The following NUP210L variants were observed in gnomAD, a reference collection of about 807,000 sequenced individuals.
NUP210L encodes nuclear pore membrane glycoprotein 210-like.
Under a neutral mutation model 208.5 loss-of-function variants are expected in NUP210L, and 74 were observed. That is an observed-to-expected ratio of 0.35 (90% confidence interval 0.29 to 0.43). The LOEUF (loss-of-function observed/expected upper bound fraction) is 0.43, where lower values mean the gene tolerates loss of function less well. Among genes scored for constraint, NUP210L ranks in the 20% least tolerant of loss-of-function variants. The pLI is 1.00. For missense variants in NUP210L, 1,843 were observed against 2,289.4 expected (o/e 0.81, Z 3.98); for synonymous variants, 780 against 816.9 (o/e 0.95, Z 0.77).
chr1:154,120,895 CAAAAA>C (rs34261242), intron 10 of NUP210L, among the ~76,000 whole-genome samples: 20 of 82,212 alleles, frequency 2.4e-4, no homozygotes, highest in African/African-American at 7.0e-4. Flanking sequence ...GACTCTGTCT[CAAAAA>C]AAAAAAAAAA....
At chr1:154,005,226 T>A (rs1368091858) in intron 35 of NUP210L, among the ~76,000 whole-genome samples, 2 of 151,826 alleles carry the variant, frequency 1.3e-5, no homozygotes, top group African/African-American at 4.8e-5. Flanking sequence ...TTTATTTATT[T>A]ATTTATTTTT....
intron 7 of NUP210L, among the ~76,000 whole-genome samples, chr1:154,131,846 C>T (rs1250507826): frequency 1.3e-5 from 2 of 152,086 alleles, no homozygotes; most frequent in African/African-American, 2.4e-5. Context: ...ACTCCGTCGC[C>T]CAGGCTGGGG....
At chr1:154,086,330 T>C (rs1293228797) in intron 16 of NUP210L, among the ~76,000 whole-genome samples, 1 of 151,966 alleles carries the variant, frequency 6.6e-6, no homozygotes, top group Non-Finnish European at 1.5e-5. Flanking sequence ...ATCAGAGAGC[T>C]AAATGTAAGA....
chr1:154,049,886 C>A (rs903204252), intron 25 of NUP210L, among the ~76,000 whole-genome samples: 3 of 152,182 alleles, frequency 2.0e-5, no homozygotes, highest in Non-Finnish European at 4.4e-5. Flanking sequence ...CTGAAGCCTG[C>A]TAAGCGTTTT....
intron 16 of NUP210L, among the ~76,000 whole-genome samples, chr1:154,081,661 T>C (rs1423301283): frequency 6.6e-6 from 1 of 152,196 alleles, no homozygotes; most frequent in Non-Finnish European, 1.5e-5. Flanking sequence ...TTTACATAAT[T>C]AATCATGTTT....
chr1:154,016,576 C>A (rs528618802), intron 33 of NUP210L, among the ~76,000 whole-genome samples: 113 of 152,132 alleles, frequency 7.4e-4, no homozygotes, highest in Non-Finnish European at 1.4e-3. Flanking sequence ...ACTCTTAACC[C>A]CAACTCCTTA....
chr1:154,144,893 G>A (rs1175258285), intron 2 of NUP210L, among the ~76,000 whole-genome samples: 1 of 152,070 alleles, frequency 6.6e-6, no homozygotes, highest in African/African-American at 2.4e-5. Flanking sequence ...TGGATCACCT[G>A]AGGTCAGGAG....
intron 2 of NUP210L, among the ~76,000 whole-genome samples, chr1:154,146,657 A>T (rs1024672470): frequency 4.4e-5 from 6 of 136,402 alleles, no homozygotes; most frequent in Admixed American, 8.2e-5. Flanking sequence ...CAGTACTAAG[A>T]TTCATGGATA....
At chr1:154,150,596 C>T (rs545131518) in intron 2 of NUP210L, among the ~76,000 whole-genome samples, 10 of 151,722 alleles carry the variant, frequency 6.6e-5, no homozygotes, top group African/African-American at 2.2e-4. Flanking sequence ...GGCGTGGTGG[C>T]GCATGCCTGT....
chr1:154,107,608 G>T (rs2148075377), intron 12 of NUP210L, among the ~76,000 whole-genome samples: 1 of 152,274 alleles, frequency 6.6e-6, no homozygotes. Context: ...GCTCACACCT[G>T]TAATCCCAGC....
intron 2 of NUP210L, among the ~76,000 whole-genome samples, chr1:154,144,263 C>T (rs1330674209): frequency 1.3e-5 from 2 of 152,058 alleles, no homozygotes; most frequent in Non-Finnish European, 2.9e-5. Context: ...CTTTATTCTA[C>T]GTCTTACTTT....
chr1:154,065,437 T>C (rs1376776693), intron 17 of NUP210L, among the ~76,000 whole-genome samples: 1 of 152,072 alleles, frequency 6.6e-6, no homozygotes, highest in Non-Finnish European at 1.5e-5. Flanking sequence ...AAAAGAAATA[T>C]ATTTTAAAAA....
At chr1:154,047,773 ACT>A (rs1029388497) in intron 25 of NUP210L, among the ~76,000 whole-genome samples, 3 of 151,134 alleles carry the variant, frequency 2.0e-5, no homozygotes, top group African/African-American at 7.3e-5. Flanking sequence ...CCCACTCCAC[ACT>A]CTATATTTCT....
rs1656362772 is a variant in NUP210L, at chr1:154,099,666, T to C, written c.1965+332A>G. On this transcript the variant is annotated intron_variant, in intron 14 of 39. Transcript: ENST00000368559. ...CGGTATTTACAGAGATATATGCACA[T>C]GTAAAAATTCAGATAGCACCTGAAG... is the stretch of plus-strand genomic sequence containing the variant. Among the ~76,000 whole-genome samples the C allele has an allele frequency of 2.6e-5, 4 of 152,230 alleles. No homozygotes were observed. The South Asian group carries it at 8.3e-4, about 32-fold the overall frequency.
At chr1:154,076,553 T>C (rs1017270687) in intron 16 of NUP210L, among the ~76,000 whole-genome samples, 1 of 151,260 alleles carries the variant, frequency 6.6e-6, no homozygotes, top group Non-Finnish European at 1.5e-5. Context: ...AATTCTGAAG[T>C]TGAAAAGTAC....
At chr1:154,054,440 AC>A in intron 24 of NUP210L, 33 bp from the exon 25 acceptor site, 1 of 1,599,396 alleles carries the variant, frequency 6.3e-7, no homozygotes, top group Non-Finnish European at 8.6e-7. Context: ...AATGCCTAGA[AC>A]ATGAGGGAGA....
intron 12 of NUP210L, among the ~76,000 whole-genome samples, 182 bp downstream of exon 12, chr1:154,117,543 C>T (rs989071425): frequency 2.6e-5 from 4 of 152,072 alleles, no homozygotes; most frequent in African/African-American, 9.7e-5. Context: ...TGAGATCTTG[C>T]CACTGCACTG....
At chr1:154,043,206 G>A (rs7517801) in intron 27 of NUP210L, among the ~76,000 whole-genome samples, 20,674 of 150,462 alleles carry the variant, frequency 0.14, 1,894 homozygotes, top group African/African-American at 0.3. Flanking sequence ...TTTTGGTAGA[G>A]ACGGGGTTTT....
intron 30 of NUP210L, 45 bp downstream of exon 30, chr1:154,025,497 A>C: frequency 7.5e-7 from 1 of 1,329,104 alleles, no homozygotes; most frequent in Non-Finnish European, 1.0e-6. Context: ...AGGCCAGGGT[A>C]TGACTTTTAT....
Sources: allele counts gnomAD v4.1 joint callset (sites outside exome capture counted in the v4.1 genomes callset), GRCh38; gene constraint gnomAD v4.1.1; transcripts MANE v1.5; gene names NCBI Gene and HGNC (gene_info 2026-07-23, HGNC 2026-07-21).